Variants in TVP23C observed in about 807,000 individuals in gnomAD.
TVP23C encodes trans-golgi network vesicle protein 23 homolog C.
A neutral mutation model predicts 28.7 loss-of-function variants in TVP23C; 19 were observed. The ratio of observed to expected loss-of-function variants is 0.66; its 90% CI spans 0.46 to 0.97. The LOEUF (loss-of-function observed/expected upper bound fraction) is 0.97, where lower values mean the gene tolerates loss of function less well. Ranked by LOEUF, TVP23C falls within the 50% of genes least tolerant of loss-of-function variation. The probability of loss-of-function intolerance (pLI) is 0.00; values close to 1 mark genes in which losing one functional copy is unlikely to be tolerated. For synonymous variants in TVP23C, 68 were observed against 81.7 expected (o/e 0.83, Z 0.90); for missense variants, 186 against 241.3 (o/e 0.77, Z 1.52).
chr17:15,539,161 G>T lies in TVP23C; in HGVS notation c.*1251C>A. The T allele has an allele frequency of 7.4e-6, 7 of 946,332 alleles. No homozygotes were observed. The highest frequency in any genetic ancestry group is 4.9e-5 in the South Asian group (1 of 20,536). 58.6% of individuals were successfully genotyped at this position (946,332 alleles called of 1,614,324 possible). A position where few individuals can be genotyped will look rare whatever the true frequency, so the allele number is the denominator to read the frequency against. ...TGCAAATTATGAGACTCCACCCCCA[G>T]ATCTACTGAATAAGGAGTCTGGAGG... On this transcript the variant is annotated 3_prime_UTR_variant, in exon 6 of 6. Coordinates refer to ENST00000518321, the MANE Select transcript of TVP23C (RefSeq NM_001135036.2).
intron 1 of TVP23C, among the ~76,000 whole-genome samples, chr17:15,556,199 G>A (rs1375188375): frequency 6.6e-6 from 1 of 152,164 alleles, no homozygotes; most frequent in Non-Finnish European, 1.5e-5. Context: ...TTACAGGCCT[G>A]AGCCACCACG....
intron 2 of TVP23C, among the ~76,000 whole-genome samples, chr17:15,554,664 C>T (rs897629930): frequency 6.6e-6 from 1 of 152,170 alleles, no homozygotes; most frequent in Non-Finnish European, 1.5e-5. Flanking sequence ...TCCAATTTTA[C>T]AACTTTTCAT....
intron 5 of TVP23C, among the ~76,000 whole-genome samples, chr17:15,504,004 TGG>T (rs1981608999): frequency 6.7e-6 from 1 of 148,290 alleles, no homozygotes; most frequent in Non-Finnish European, 1.5e-5. Context: ...TACCTAAGGA[TGG>T]TTTCTCAGGG....
intron 5 of TVP23C, among the ~76,000 whole-genome samples, chr17:15,541,071 G>A (rs1233066554): frequency 1.3e-5 from 2 of 152,178 alleles, no homozygotes; most frequent in African/African-American, 2.4e-5. Context: ...TAAATCAACC[G>A]ATGCCTGCCT....
intron 5 of TVP23C, among the ~76,000 whole-genome samples, chr17:15,543,894 C>A (rs1269111088): frequency 6.6e-6 from 1 of 151,716 alleles, no homozygotes; most frequent in East Asian, 1.9e-4. Flanking sequence ...CCAACATAAA[C>A]GTAACTGGTA....
chr17:15,506,113 C>T (rs1370723728), intron 5 of TVP23C, among the ~76,000 whole-genome samples: 3 of 152,266 alleles, frequency 2.0e-5, no homozygotes, highest in Admixed American at 2.0e-4. Context: ...CACCTGCAGC[C>T]CCGGTGCGGG....
chr17:15,546,152 C>A (rs1158669351), intron 4 of TVP23C, among the ~76,000 whole-genome samples: 1 of 152,110 alleles, frequency 6.6e-6, no homozygotes, highest in Non-Finnish European at 1.5e-5. Flanking sequence ...CAACTCATGA[C>A]AGTAAAGAGT....
downstream of TVP23C, among the ~76,000 whole-genome samples, chr17:15,532,407 A>C (rs1356781503): frequency 1.3e-5 from 2 of 152,150 alleles, no homozygotes; most frequent in Admixed American, 1.3e-4. Flanking sequence ...GGATAACTCC[A>C]AACCTATCTT....
Position 15,539,927 on chromosome 17 carries a change from A to G in TVP23C, c.*485T>C, listed in dbSNP as rs760854574. 1 of 661,040 alleles carries G rather than the reference A, an allele frequency of 1.5e-6. No individual in the cohort carries two copies. 40.9% of individuals were successfully genotyped at this position (661,040 alleles called of 1,614,324 possible). A position where few individuals can be genotyped will look rare whatever the true frequency, so the allele number is the denominator to read the frequency against. ...GCTAACATGATGAAATCCCATCTCT[A>G]CTGAAAATACAAAAAATTAGCTGGG... On this transcript the variant is annotated 3_prime_UTR_variant, in exon 6 of 6. Coordinates refer to ENST00000518321, the MANE Select transcript of TVP23C (RefSeq NM_001135036.2).
chr17:15,563,020 T>C (rs1597555451), intron 1 of TVP23C: 2 of 231,146 alleles, frequency 8.7e-6, no homozygotes, highest in East Asian at 1.8e-4. Context: ...ACCAACAACA[T>C]TAGTTTGGAA....
chr17:15,525,979 A>G (rs189325779), intron 5 of TVP23C, among the ~76,000 whole-genome samples: 1 of 152,352 alleles, frequency 6.6e-6, no homozygotes, highest in Admixed American at 6.5e-5. Context: ...ATCTCATGAT[A>G]TTTAAGAAGT....
At chr17:15,523,683 G>A (rs1353346449) in intron 5 of TVP23C, among the ~76,000 whole-genome samples, 2 of 143,802 alleles carry the variant, frequency 1.4e-5, no homozygotes, top group Non-Finnish European at 3.0e-5. Context: ...GTGCAATCTC[G>A]GCTCACTGCC....
chr17:15,561,339 CTG>C (rs1453596262), intron 1 of TVP23C, among the ~76,000 whole-genome samples: 1 of 152,204 alleles, frequency 6.6e-6, no homozygotes, highest in Non-Finnish European at 1.5e-5. Flanking sequence ...CGGCTCACGC[CTG>C]TAATCCTAGC....
At chr17:15,533,442 T>C (rs1983027570), downstream of TVP23C, among the ~76,000 whole-genome samples, 1 of 152,232 alleles carries the variant, frequency 6.6e-6, no homozygotes. Flanking sequence ...GATAGAAAAC[T>C]CTTGGTTACG....
rs533771748 is a variant in TVP23C, at chr17:15,539,821, C to T, written c.*591G>A. 3.1e-5 allele frequency: 30 copies of T among 973,742 alleles called. No homozygotes were observed. Among genetic ancestry groups the T allele is most frequent in the Admixed American group, 6.2e-5 (1 of 16,244 alleles). 60.3% of individuals were successfully genotyped at this position (973,742 alleles called of 1,614,324 possible). ...AACCATACAACATACAGGCTGGGCA[C>T]GGTGGCTCACGCCTGTAATCCCAGC... On this transcript the variant is annotated 3_prime_UTR_variant, in exon 6 of 6. Coordinates refer to ENST00000518321, the MANE Select transcript of TVP23C (RefSeq NM_001135036.2).
rs989745010 is a variant in TVP23C, at chr17:15,537,990, C to T, written c.*2422G>A. On this transcript the variant is annotated 3_prime_UTR_variant, in exon 6 of 6. Transcript: ENST00000518321. ...AAACTTAATATGAAAACTACTTTTC[C>T]TTTTTATAAATAAAGTTTTTAAGTG... The T allele has an allele frequency of 2.7e-6, 4 of 1,481,226 alleles. No homozygotes were observed. The Admixed American group carries it at 1.0e-4, about 39-fold the overall frequency. The allele number at this position is 1,481,226 out of a possible 1,614,324, so 91.8% of individuals were successfully genotyped here.
intron 5 of TVP23C, chr17:15,503,471 G>C (rs1312955601): frequency 5.1e-6 from 2 of 394,184 alleles, no homozygotes; most frequent in Non-Finnish European, 9.0e-6. Flanking sequence ...GACATGAACA[G>C]TGAAGGGGAC....
intron 3 of TVP23C, among the ~76,000 whole-genome samples, chr17:15,548,363 T>C (rs937434715): frequency 3.3e-5 from 5 of 152,162 alleles, no homozygotes; most frequent in Admixed American, 3.3e-4. Flanking sequence ...ATGGGGTTTC[T>C]CCATGTCGGT....
intron 5 of TVP23C, among the ~76,000 whole-genome samples, chr17:15,541,169 T>C (rs1349008547): frequency 1.3e-5 from 2 of 152,196 alleles, no homozygotes; most frequent in East Asian, 3.9e-4. Context: ...CCTATGGTGA[T>C]CCCACTAGGA....
Sources: allele counts gnomAD v4.1 joint callset (sites outside exome capture counted in the v4.1 genomes callset), GRCh38; gene constraint gnomAD v4.1.1; transcripts MANE v1.5; gene names NCBI Gene and HGNC (gene_info 2026-07-23, HGNC 2026-07-21).